NINL: variants seen among roughly 807,000 people sequenced by gnomAD.
The protein encoded by NINL is ninein-like protein.
In NINL, 153 loss-of-function variants were observed where a neutral mutation model predicts 160.3. The observed-to-expected ratio is 0.95, with a 90% CI of 0.84 to 1.09. The LOEUF (loss-of-function observed/expected upper bound fraction) is 1.09, where lower values mean the gene tolerates loss of function less well. Among genes scored for constraint, NINL ranks in the 50% least tolerant of loss-of-function variants. The pLI, the probability that NINL is intolerant of heterozygous loss-of-function variation, is 0.00. For synonymous variants in NINL, 800 were observed against 734.8 expected, an observed-to-expected ratio of 1.09 and a Z score of -1.43; for missense variants, 1,829 against 1,764.0, an observed-to-expected ratio of 1.04 and a Z score of -0.66.
At chr20:25,560,981 TCTCTCC>T (rs1470297791) in intron 1 of NINL, among the ~76,000 whole-genome samples, 1 of 126,766 alleles carries the variant, frequency 7.9e-6, no homozygotes, top group Non-Finnish European at 1.8e-5. Context: ...TCTCCCTCTC[TCTCTCC>T]CTCCTCTCCC....
At chr20:25,578,076 C>T (rs2065136143) in intron 1 of NINL, among the ~76,000 whole-genome samples, 1 of 151,488 alleles carries the variant, frequency 6.6e-6, no homozygotes, top group South Asian at 2.1e-4. Context: ...AGGTGATCTG[C>T]CTGCCTCGGC....
chr20:25,457,296 C>T (rs1600977473), intron 22 of NINL, among the ~76,000 whole-genome samples: 1 of 152,200 alleles, frequency 6.6e-6, no homozygotes, highest in East Asian at 1.9e-4. Context: ...TGCACTCCAG[C>T]CTGGCAACAG....
Position 25,541,859 on chromosome 20 carries a change from C to T in NINL, c.-11-15261G>A, listed in dbSNP as rs548319985. On this transcript the variant is annotated intron_variant, in intron 1 of 23. Coordinates refer to ENST00000278886, the MANE Select transcript of NINL (RefSeq NM_025176.6). ...GTAATAGCTGTAATAAGACAAGAAT[C>T]ATCCGTGTATGATCAAAAACAATGG... Among the ~76,000 whole-genome samples, 52 of 152,340 alleles carry T rather than the reference C, an allele frequency of 3.4e-4. 1 individual carries two copies. The highest frequency in any genetic ancestry group is 1.2e-3 in the African/African-American group (50 of 41,598).
At chr20:25,559,393 GC>G (rs2064906420) in intron 1 of NINL, among the ~76,000 whole-genome samples, 1 of 151,878 alleles carries the variant, frequency 6.6e-6, no homozygotes, top group Non-Finnish European at 1.5e-5. Flanking sequence ...GGTGCGTGCC[GC>G]CACACCCAAC....
At chr20:25,496,887 G>A (rs1187371756) in intron 9 of NINL, 84 bp from the exon 10 acceptor site, 38 of 1,543,258 alleles carry the variant, frequency 2.5e-5, no homozygotes, top group Non-Finnish European at 3.2e-5. Context: ...CCCCATATCT[G>A]CATCAATGAT....
chr20:25,464,683 T>C (rs1601007565), intron 19 of NINL, among the ~76,000 whole-genome samples: 2 of 152,168 alleles, frequency 1.3e-5, no homozygotes, highest in African/African-American at 4.8e-5. Context: ...TTCAGGACAG[T>C]GGCCTTGATG....
At chr20:25,566,057 C>T (rs781055321) in intron 1 of NINL, among the ~76,000 whole-genome samples, 46 of 152,182 alleles carry the variant, frequency 3.0e-4, no homozygotes, top group African/African-American at 9.7e-4. Context: ...GGCAGCCAGC[C>T]GGGCACTGGA....
At chr20:25,520,327 G>A (rs183411807) in intron 2 of NINL, among the ~76,000 whole-genome samples, 67 of 152,312 alleles carry the variant, frequency 4.4e-4, no homozygotes, top group Non-Finnish European at 7.5e-4. Context: ...GGAGAAGAAG[G>A]TTTGGGGCCA....
At chr20:25,490,244 CAGAAAGGCCATGAGTCAT>C (rs1290475351) in intron 11 of NINL, among the ~76,000 whole-genome samples, 1 of 152,182 alleles carries the variant, frequency 6.6e-6, no homozygotes, top group East Asian at 1.9e-4. Flanking sequence ...ACCCTGTGCT[CAGAAAGGCCATGAGTCAT>C]ACGAGAAAGG....
Position 25,476,574 on chromosome 20 carries a change from C to T in NINL, c.2717G>A (p.Trp906Ter). The T allele has an allele frequency of 1.3e-6, 2 of 1,599,394 alleles. No individual in the cohort carries two copies. The highest frequency in any genetic ancestry group is 1.7e-6 in the Non-Finnish European group (2 of 1,179,692). The change falls in exon 17 of 24, where the codon TGG (tryptophan) becomes TAG (stop). Residue 906 changes from tryptophan (W) to a stop codon, truncating the protein, a stop_gained. Coordinates refer to ENST00000278886, the MANE Select transcript of NINL (RefSeq NM_025176.6). LOFTEE classifies it high-confidence loss of function. ...CACTCCACAGGGCTGCATGCGTGAC[C>T]ACCTCTCTGAGGGGCCGTGGGATGC... Reference protein sequence around the residue: ...APASHGPSERWSRMQPCGVDG... With the variant: ...APASHGPSER
At chr20:25,530,748 C>T (rs1250845135) in intron 1 of NINL, among the ~76,000 whole-genome samples, 2 of 151,884 alleles carry the variant, frequency 1.3e-5, no homozygotes, top group African/African-American at 2.4e-5. Context: ...AGGGAGTGAG[C>T]GAATAGGTGT....
At chr20:25,517,164 C>A (rs1288619301) in intron 3 of NINL, among the ~76,000 whole-genome samples, 1 of 152,142 alleles carries the variant, frequency 6.6e-6, no homozygotes, top group Non-Finnish European at 1.5e-5. Context: ...TGCCACACAC[C>A]CCTCCTGACC....
chr20:25,532,532 C>G (rs529735984), intron 1 of NINL, among the ~76,000 whole-genome samples: 274 of 152,334 alleles, frequency 1.8e-3, no homozygotes, highest in Admixed American at 4.5e-3. Context: ...ATACAGGCAG[C>G]CCCCACCACT....
intron 1 of NINL, among the ~76,000 whole-genome samples, chr20:25,541,347 A>C (rs1009028556): frequency 6.6e-6 from 1 of 152,260 alleles, no homozygotes; most frequent in African/African-American, 2.4e-5. Flanking sequence ...CCTGATGGCA[A>C]GTACTGAATA....
chr20:25,486,955 A>C (rs1402847409), intron 13 of NINL, among the ~76,000 whole-genome samples: 1 of 152,230 alleles, frequency 6.6e-6, no homozygotes, highest in African/African-American at 2.4e-5. Flanking sequence ...AATCCTGTGA[A>C]ATTACTTCAC....
chr20:25,466,464 T>C (rs918362596), intron 19 of NINL, among the ~76,000 whole-genome samples: 1 of 152,214 alleles, frequency 6.6e-6, no homozygotes, highest in African/African-American at 2.4e-5. Context: ...GATCACTCTA[T>C]ATTGTTTCAA....
chr20:25,460,789 G>A (rs1379811727), intron 21 of NINL, among the ~76,000 whole-genome samples: 1 of 152,168 alleles, frequency 6.6e-6, no homozygotes, highest in African/African-American at 2.4e-5. Context: ...CAGGTGCAGA[G>A]GCTCAGCCGA....
intron 1 of NINL, among the ~76,000 whole-genome samples, chr20:25,542,894 G>A (rs1326680327): frequency 1.3e-5 from 2 of 151,334 alleles, no homozygotes; most frequent in Non-Finnish European, 2.9e-5. Flanking sequence ...TTAGCCAGGG[G>A]TAGTGGAAGG....
At chr20:25,547,369 C>T (rs574377384) in intron 1 of NINL, among the ~76,000 whole-genome samples, 3 of 152,204 alleles carry the variant, frequency 2.0e-5, no homozygotes, top group East Asian at 3.9e-4. Context: ...GTAAATGTTT[C>T]CTTGAGCTTT....
Sources: allele counts gnomAD v4.1 joint callset (sites outside exome capture counted in the v4.1 genomes callset), GRCh38; gene constraint gnomAD v4.1.1; transcripts MANE v1.5; gene names NCBI Gene and HGNC (gene_info 2026-07-23, HGNC 2026-07-21).